Variants in SLC22A23 observed in about 807,000 individuals in gnomAD.
The protein encoded by SLC22A23 is solute carrier family 22 member 23.
Under a neutral mutation model 61.0 loss-of-function variants are expected in SLC22A23, and 26 were observed. That is an observed-to-expected ratio of 0.43 (90% CI 0.31 to 0.59). The LOEUF is 0.59. Among genes scored for constraint, SLC22A23 ranks in the 20% least tolerant of loss-of-function variants. The pLI is 0.11. For missense variants in SLC22A23, 796 were observed against 934.7 expected (o/e 0.85, Z 1.94); for synonymous variants, 430 against 413.9 (o/e 1.04, Z -0.47).
chr6:3,381,258 G>A (rs1766934350), intron 3 of SLC22A23, among the ~76,000 whole-genome samples: 1 of 152,200 alleles, frequency 6.6e-6, no homozygotes, highest in South Asian at 2.1e-4. Context: ...CTGTGGGGAG[G>A]TGAGGAAGAG....
At chr6:3,375,128 G>A (rs1009432777) in intron 3 of SLC22A23, among the ~76,000 whole-genome samples, 8 of 151,942 alleles carry the variant, frequency 5.3e-5, no homozygotes, top group Admixed American at 3.9e-4. Flanking sequence ...TCTCAATAGC[G>A]ATAAGAAGTG....
chr6:3,442,950 C>A (rs1225104327), intron 1 of SLC22A23, among the ~76,000 whole-genome samples: 1 of 152,158 alleles, frequency 6.6e-6, no homozygotes, highest in Non-Finnish European at 1.5e-5. Flanking sequence ...TTTGAGAGAG[C>A]GGCATTTTCA....
intron 3 of SLC22A23, among the ~76,000 whole-genome samples, chr6:3,395,318 G>T (rs1312309842): frequency 6.6e-6 from 1 of 152,158 alleles, no homozygotes; most frequent in African/African-American, 2.4e-5. Flanking sequence ...TAACAGGTAT[G>T]AATAAAGTAG....
chr6:3,363,964 G>A (rs1765643216), intron 3 of SLC22A23, among the ~76,000 whole-genome samples: 1 of 152,170 alleles, frequency 6.6e-6, no homozygotes, highest in East Asian at 1.9e-4. Flanking sequence ...TTCGGGTGTA[G>A]TTGGGTGGGC....
At chr6:3,374,352 C>A (rs1351234463) in intron 3 of SLC22A23, among the ~76,000 whole-genome samples, 1 of 152,188 alleles carries the variant, frequency 6.6e-6, no homozygotes, top group Non-Finnish European at 1.5e-5. Flanking sequence ...AGAATAACCA[C>A]TGGGGACTGG....
At chr6:3,284,907 A>G (rs1237753516) in intron 8 of SLC22A23, 172 bp downstream of exon 8, 10 of 1,538,270 alleles carry the variant, frequency 6.5e-6, no homozygotes, top group Non-Finnish European at 7.8e-6. Flanking sequence ...CAAGAGGGAG[A>G]ATACAAATGT....
At position 3,348,960 on chromosome 6, in the gene SLC22A23, T is replaced by C. The variant is rs571409398; in HGVS notation, c.914-24958A>G. On this transcript the variant is annotated intron_variant, in intron 3 of 9. Coordinates refer to ENST00000406686, the MANE Select transcript of SLC22A23 (RefSeq NM_015482.2). ...CTGTCTCTCCAGCGTTCATCACCAC[T>C]CTGGAAATAGTCATCTTTCATAACC... 2.0e-5 allele frequency among the ~76,000 whole-genome samples: 3 copies of C among 152,262 alleles called. No individual in the cohort carries two copies. In the South Asian group the frequency reaches 6.2e-4, roughly 32 times the overall value.
intron 3 of SLC22A23, among the ~76,000 whole-genome samples, chr6:3,385,160 G>A (rs1455060628): frequency 1.3e-5 from 2 of 152,150 alleles, no homozygotes; most frequent in Non-Finnish European, 2.9e-5. Context: ...GGAGATGGAT[G>A]GTGGTGAGGG....
chr6:3,323,016 G>C (rs1763049502), intron 4 of SLC22A23, among the ~76,000 whole-genome samples: 1 of 152,024 alleles, frequency 6.6e-6, no homozygotes, highest in South Asian at 2.1e-4. Flanking sequence ...CCGTGGAGCA[G>C]TGTTTTCCAG....
Position 3,322,714 on chromosome 6 carries a change from CG to C in SLC22A23, c.1082+1119del, listed in dbSNP as rs367784483. On this transcript the variant is annotated intron_variant, in intron 4 of 9. Transcript: ENST00000406686. The surrounding 1 kb of genome is among the most constrained non-coding windows in gnomAD (Gnocchi z 4.1). ...AGTACATCTACTACCAGGGCAGGGG[CG>C]GGGGGCAGTACCACTAAGCCAAAAG... Among the ~76,000 whole-genome samples the C allele has an allele frequency of 6.6e-6, 1 of 152,104 alleles. No homozygotes were observed. Among genetic ancestry groups the C allele is most frequent in the African/African-American group, 2.4e-5 (1 of 41,410 alleles).
At position 3,271,898 on chromosome 6, in the gene SLC22A23, C is replaced by T. The variant is rs193242648; in HGVS notation, c.*1157G>A. Reference sequence around the variant, plus strand: ...TTCGAGAGGCTGGAGGTCATTTGGACTCACCTATGAGGAATCTCCGCTCCC... The same window carrying T: ...TTCGAGAGGCTGGAGGTCATTTGGATTCACCTATGAGGAATCTCCGCTCCC... On this transcript the variant is annotated 3_prime_UTR_variant, in exon 10 of 10. Transcript: ENST00000406686. 1 of 152,502 alleles carries T rather than the reference C, an allele frequency of 6.6e-6. No homozygotes were observed. The highest frequency in any genetic ancestry group is 2.4e-5 in the African/African-American group (1 of 41,568). 9.4% of individuals were successfully genotyped at this position (152,502 alleles called of 1,614,324 possible). A position where few individuals can be genotyped will look rare whatever the true frequency, so the allele number is the denominator to read the frequency against.
chr6:3,362,226 A>G (rs1219498061), intron 3 of SLC22A23, among the ~76,000 whole-genome samples: 6 of 151,602 alleles, frequency 4.0e-5, no homozygotes, highest in African/African-American at 1.5e-4. Flanking sequence ...CAACATGGTG[A>G]AACCCCGTCT....
rs143904121 is a variant in SLC22A23, at chr6:3,422,701, G to A, written c.655-6846C>T. 3.1e-3 allele frequency among the ~76,000 whole-genome samples: 472 copies of A among 152,184 alleles called. 6 individuals are homozygous for A. Among genetic ancestry groups the A allele is most frequent in the African/African-American group, 0.01 (418 of 41,528 alleles). On this transcript the variant is annotated intron_variant, in intron 1 of 9. Transcript: ENST00000406686. ...CATAATGAACATCCTTGGGTACTCCGGGGAAATTTTTTCTCTTTTCAATTT... is the reference window on the plus strand; with the variant it reads ...CATAATGAACATCCTTGGGTACTCCAGGGAAATTTTTTCTCTTTTCAATTT...
chr6:3,293,167 T>C (rs999792179), intron 5 of SLC22A23, among the ~76,000 whole-genome samples: 5 of 152,156 alleles, frequency 3.3e-5, no homozygotes, highest in African/African-American at 1.2e-4. Flanking sequence ...TGGACGATGC[T>C]AGTGCGTTAG....
chr6:3,438,630 C>T (rs1023821999), intron 1 of SLC22A23: 3 of 419,452 alleles, frequency 7.2e-6, no homozygotes, highest in African/African-American at 6.2e-5. Context: ...AAATAAGTAC[C>T]TTTTACTTCC....
intron 3 of SLC22A23, among the ~76,000 whole-genome samples, chr6:3,338,923 G>A (rs1218443338): frequency 6.6e-6 from 1 of 152,268 alleles, no homozygotes; most frequent in South Asian, 2.1e-4. Flanking sequence ...GGGGAACATG[G>A]AGCAAGAGAG....
At chr6:3,275,812 A>G (rs6913519) in intron 9 of SLC22A23, among the ~76,000 whole-genome samples, 127,477 of 152,240 alleles carry the variant, frequency 0.84, 54,591 homozygotes, top group Non-Finnish European at 0.93. Context: ...TTGATCTCCT[A>G]ACCTCGTGAT....
intron 4 of SLC22A23, among the ~76,000 whole-genome samples, chr6:3,305,302 A>T (rs1029966987): frequency 3.3e-5 from 5 of 152,012 alleles, no homozygotes; most frequent in Non-Finnish European, 5.9e-5. Flanking sequence ...CACACCCTTA[A>T]CCTCTGTGGA....
rs1019417899 is a variant in SLC22A23, at chr6:3,286,668, C to T, written c.1546+191G>A. ...GGGCCGGGGCAGGGGCAGGGGGAGGCGGGAAGGCCCAGTGCCCTCTAAGGC... is the reference window on the plus strand; with the variant it reads ...GGGCCGGGGCAGGGGCAGGGGGAGGTGGGAAGGCCCAGTGCCCTCTAAGGC... On this transcript the variant is annotated intron_variant, in intron 7 of 9. Transcript: ENST00000406686. The surrounding 1 kb of genome is among the most constrained non-coding windows in gnomAD (Gnocchi z 4.2). Among the ~76,000 whole-genome samples, 19 of 152,186 alleles carry T rather than the reference C, an allele frequency of 1.2e-4. No homozygotes were observed. Among genetic ancestry groups the T allele is most frequent in the African/African-American group, 1.9e-4 (8 of 41,456 alleles).
Sources: allele counts gnomAD v4.1 joint callset (sites outside exome capture counted in the v4.1 genomes callset), GRCh38; gene constraint gnomAD v4.1.1; non-coding constraint Gnocchi (gnomAD v3.1); transcripts MANE v1.5; gene names NCBI Gene and HGNC (gene_info 2026-07-23, HGNC 2026-07-21).